Variants in LARP6 observed in about 807,000 individuals in gnomAD.
LARP6 encodes the protein la-related protein 6.
A neutral mutation model predicts 32.8 loss-of-function variants in LARP6; 18 were observed. That is an observed-to-expected ratio of 0.55 (90% CI 0.38 to 0.81). The LOEUF is 0.81. Among genes scored for constraint, LARP6 ranks in the 40% least tolerant of loss-of-function variants. The pLI is 0.00. For missense variants in LARP6, 598 were observed against 663.1 expected (o/e 0.90, Z 1.08); for synonymous variants, 289 against 267.2 (o/e 1.08, Z -0.80).
At chr15:70,852,155 T>C (rs2032481639) in intron 1 of LARP6, 2 of 371,086 alleles carry the variant, frequency 5.4e-6, no homozygotes, top group South Asian at 4.0e-5. Flanking sequence ...AAACAGGGGA[T>C]AGTGTGGATC....
intron 1 of LARP6, among the ~76,000 whole-genome samples, chr15:70,841,195 G>A (rs2032251618): frequency 6.6e-6 from 1 of 151,720 alleles, no homozygotes; most frequent in Admixed American, 6.6e-5. Context: ...TTACAGGCGT[G>A]AGCCACCGCG....
At position 70,854,045 on chromosome 15, in the gene LARP6, G is replaced by T. The variant is rs1451532428; in HGVS notation, c.44C>A (p.Ala15Glu). ...GGEARPGPKT[A>E]VQIRVAIQEA... ...CTGGATGGCGACGCGGATCTGCACC[G>T]CCGTCTTGGGCCCGGGCCGAGCCTC... Residue 15 changes from alanine to glutamate, a missense_variant, in exon 1 of 3, where the codon GCG (alanine) becomes GAG (glutamate). Around this residue, in one of 3 missense-constraint regions of LARP6, gnomAD observed 161 missense variants for 148.6 expected, o/e 1.08. Transcript: ENST00000299213. 1 of 1,428,174 alleles carries T rather than the reference G, an allele frequency of 7.0e-7. No individual in the cohort carries two copies. The highest frequency in any genetic ancestry group is 9.2e-7 in the Non-Finnish European group (1 of 1,083,126). 88.5% of individuals were successfully genotyped at this position (1,428,174 alleles called of 1,614,324 possible).
At position 70,853,910 on chromosome 15, in the gene LARP6, T is replaced by G; in HGVS notation, c.179A>C (p.Glu60Ala). The G allele has an allele frequency of 7.3e-7, 1 of 1,368,020 alleles. No individual in the cohort carries two copies. Among genetic ancestry groups the G allele is most frequent in the Non-Finnish European group, 9.5e-7 (1 of 1,055,008 alleles). The allele number at this position is 1,368,020 out of a possible 1,614,324, so 84.7% of individuals were successfully genotyped here. ...CTACCTGTGCCCGCGGCTCGGCTCC[T>G]CCTCGCTCGCGCTGCCCCAGCCGGG... is the stretch of plus-strand genomic sequence containing the variant. ...LSPGWGSASE[E>A]EPSRGHSGTT... The change falls in exon 1 of 3, where the codon GAG becomes GCG. Residue 60 changes from glutamate to alanine, a missense_variant. Around this residue, in one of 3 missense-constraint regions of LARP6, gnomAD observed 161 missense variants for 148.6 expected, o/e 1.08. Coordinates refer to ENST00000299213, the MANE Select transcript of LARP6 (RefSeq NM_018357.4).
At position 70,833,102 on chromosome 15, in the gene LARP6, T is replaced by G; in HGVS notation, c.426A>C (p.Thr142=). The G allele has an allele frequency of 6.2e-7, 1 of 1,613,926 alleles. No homozygotes were observed. Among genetic ancestry groups the G allele is most frequent in the Non-Finnish European group, 8.5e-7 (1 of 1,179,864 alleles). Reference sequence around the variant, plus strand: ...CATGTGCTGTGGTTCTCCAGTCCCGTGTAAGATGTTTCACCTGCAGAACAT... The same window carrying G: ...CATGTGCTGTGGTTCTCCAGTCCCGGGTAAGATGTTTCACCTGCAGAACAT... ...LTSFKKVKHL[T]RDWRTTAHAL... is the part of the protein sequence containing the mutation. The change falls in exon 3 of 3, where the codon ACA becomes ACC. Residue 142 remains threonine, a synonymous_variant. Coordinates refer to ENST00000299213, the MANE Select transcript of LARP6 (RefSeq NM_018357.4).
chr15:70,844,344 T>C (rs2032311358), intron 1 of LARP6, among the ~76,000 whole-genome samples: 1 of 152,190 alleles, frequency 6.6e-6, no homozygotes, highest in African/African-American at 2.4e-5. Flanking sequence ...CTACGTGATA[T>C]ATTAATACAC....
chr15:70,851,384 G>A (rs902438138), intron 1 of LARP6: 41 of 985,708 alleles, frequency 4.2e-5, no homozygotes, highest in Non-Finnish European at 4.7e-5. Context: ...AAAAGGAAAG[G>A]CATCTTTTTA....
At position 70,832,145 on chromosome 15, in the gene LARP6, T is replaced by C. The variant is rs1406213180; in HGVS notation, c.1383A>G (p.Ala461=). The C allele has an allele frequency of 6.2e-7, 1 of 1,612,280 alleles. No homozygotes were observed. The highest frequency in any genetic ancestry group is 8.5e-7 in the Non-Finnish European group (1 of 1,179,046). ...SPLLSRKMQT[A]DGLPVGVLRL... Reference sequence around the variant, plus strand: ...TCAGCACCCCTACGGGTAGCCCATCTGCAGTCTGCATCTTCCGGGAGAGCA... The same window carrying C: ...TCAGCACCCCTACGGGTAGCCCATCCGCAGTCTGCATCTTCCGGGAGAGCA... The change falls in exon 3 of 3, where the codon GCA becomes GCG. Residue 461 remains alanine (A), a synonymous_variant. Coordinates refer to ENST00000299213, the MANE Select transcript of LARP6 (RefSeq NM_018357.4).
At chr15:70,848,292 C>T (rs1054448684) in intron 1 of LARP6, among the ~76,000 whole-genome samples, 5 of 152,218 alleles carry the variant, frequency 3.3e-5, no homozygotes, top group African/African-American at 4.8e-5. Context: ...TTCTGCCATG[C>T]TGTTCTGGCA....
At position 70,854,038 on chromosome 15, in the gene LARP6, C is replaced by A; in HGVS notation, c.51G>T (p.Gln17His). The change falls in exon 1 of 3, where the codon CAG becomes CAT. Residue 17 changes from glutamine to histidine, a missense_variant. Transcript: ENST00000299213. ...EARPGPKTAV[Q>H]IRVAIQEAED... ...CGGCCTCCTGGATGGCGACGCGGAT[C>A]TGCACCGCCGTCTTGGGCCCGGGCC... is the stretch of plus-strand genomic sequence containing the variant. 6.9e-7 allele frequency: 1 copy of A among 1,446,288 alleles called. No individual in the cohort carries two copies. The highest frequency in any genetic ancestry group is 9.1e-7 in the Non-Finnish European group (1 of 1,092,994). The allele number at this position is 1,446,288 out of a possible 1,614,324, so 89.6% of individuals were successfully genotyped here.
chr15:70,841,540 T>C (rs1039769378), intron 1 of LARP6, among the ~76,000 whole-genome samples: 5 of 152,196 alleles, frequency 3.3e-5, no homozygotes, highest in Non-Finnish European at 7.3e-5. Flanking sequence ...TCCCCAGTGT[T>C]GGAGGTGGGG....
At chr15:70,838,670 T>A (rs1039474080) in intron 1 of LARP6, among the ~76,000 whole-genome samples, 6 of 152,062 alleles carry the variant, frequency 3.9e-5, no homozygotes, top group Non-Finnish European at 7.4e-5. Flanking sequence ...TAATCTTTCA[T>A]AAGGGGATTA....
intron 1 of LARP6, among the ~76,000 whole-genome samples, chr15:70,844,981 C>T (rs994498196): frequency 6.6e-6 from 1 of 152,050 alleles, no homozygotes; most frequent in Non-Finnish European, 1.5e-5. Context: ...AGAAATAATT[C>T]ATTTTTTCTT....
chr15:70,845,514 A>G (rs2032329675), intron 1 of LARP6, among the ~76,000 whole-genome samples: 1 of 152,200 alleles, frequency 6.6e-6, no homozygotes, highest in African/African-American at 2.4e-5. Context: ...TGCTATCAAC[A>G]TGAATGATCA....
chr15:70,852,354 T>C, intron 1 of LARP6: 1 of 451,010 alleles, frequency 2.2e-6, no homozygotes, highest in Admixed American at 2.4e-5. Context: ...GCAAGAGGGG[T>C]TCAGGCAAGA....
Position 70,854,025 on chromosome 15 carries a change from TG to T in LARP6, c.63del (p.Ile22SerfsTer71). On this transcript the variant is annotated frameshift_variant, in exon 1 of 3. Transcript: ENST00000299213. LOFTEE classifies it high-confidence loss of function. ...GPKTAVQIRV[A>X]IQEAEDVDEL... Reference sequence around the variant, plus strand: ...TCGTCCACGTCCTCGGCCTCCTGGATGGCGACGCGGATCTGCACCGCCGTCT... The same window carrying T: ...TCGTCCACGTCCTCGGCCTCCTGGATGCGACGCGGATCTGCACCGCCGTCT... The T allele has an allele frequency of 6.9e-7, 1 of 1,453,942 alleles. No homozygotes were observed. Among genetic ancestry groups the T allele is most frequent in the Non-Finnish European group, 9.1e-7 (1 of 1,097,034 alleles). The allele number at this position is 1,453,942 out of a possible 1,614,324, so 90.1% of individuals were successfully genotyped here. A position where few individuals can be genotyped will look rare whatever the true frequency, so the allele number is the denominator to read the frequency against.
chr15:70,848,343 T>C (rs2141058026), intron 1 of LARP6, among the ~76,000 whole-genome samples: 1 of 152,358 alleles, frequency 6.6e-6, no homozygotes, highest in South Asian at 2.1e-4. Flanking sequence ...AACTAGTGGA[T>C]GTCTCCATGG....
chr15:70,837,043 A>C (rs552574530), intron 1 of LARP6, among the ~76,000 whole-genome samples: 20 of 152,144 alleles, frequency 1.3e-4, no homozygotes, highest in Non-Finnish European at 2.4e-4. Context: ...ACAGCTAAGA[A>C]GTCAATCTTT....
chr15:70,850,045 T>C (rs2032420776), intron 1 of LARP6, among the ~76,000 whole-genome samples: 1 of 152,162 alleles, frequency 6.6e-6, no homozygotes, highest in Non-Finnish European at 1.5e-5. Context: ...CATCAATAGA[T>C]GCTAAAATAA....
At chr15:70,835,393 A>T (rs563274620) in intron 2 of LARP6, among the ~76,000 whole-genome samples, 2 of 152,110 alleles carry the variant, frequency 1.3e-5, no homozygotes, top group Non-Finnish European at 2.9e-5. Context: ...TACGATCTTC[A>T]CTCTGTACAT....
Sources: gnomAD v4.1 joint callset for allele counts (sites outside exome capture counted in the v4.1 genomes callset) on GRCh38, gnomAD v4.1.1 for gene constraint, gnomAD v4.1.1 regional missense constraint, MANE v1.5 for transcripts, NCBI Gene and HGNC (gene_info 2026-07-23, HGNC 2026-07-21) for gene names.